The following PIK3C2A variants were observed in gnomAD, a reference collection of about 807,000 sequenced individuals.
PIK3C2A encodes phosphatidylinositol 4-phosphate 3-kinase C2 domain-containing subunit alpha.
In PIK3C2A, 97 loss-of-function variants were observed where a neutral mutation model predicts 204.5. The observed-to-expected ratio is 0.47, with a 90% CI of 0.40 to 0.56. PIK3C2A has a LOEUF of 0.56. PIK3C2A is among the 20% of genes least tolerant of loss of function. PIK3C2A has a pLI of 0.00. For missense variants in PIK3C2A, 1,735 were observed against 1,969.2 expected, an observed-to-expected ratio of 0.88 and a Z score of 2.25; for synonymous variants, 653 against 664.4, an observed-to-expected ratio of 0.98 and a Z score of 0.26.
intron 8 of PIK3C2A, among the ~76,000 whole-genome samples, chr11:17,144,122 C>A (rs1850155147): frequency 6.6e-6 from 1 of 152,138 alleles, no homozygotes; most frequent in African/African-American, 2.4e-5. Flanking sequence ...TGCCAATCTT[C>A]ATTTTATACT....
rs567568074 is a variant in PIK3C2A at position 17,206,588 on chromosome 11, T to TA, written c.-66+1259dup. On this transcript the variant is annotated intron_variant, in intron 1 of 32. Transcript: ENST00000691414. ...CGACACAGTGAGACCCCATGTCAAT[T>TA]AAAAAAAAAAAAAAGAGCACCAACC... is the stretch of plus-strand genomic sequence containing the variant. Among the ~76,000 whole-genome samples the TA allele has an allele frequency of 8.7e-4, 119 of 136,720 alleles. 1 individual carries two copies. The highest frequency in any genetic ancestry group is 3.1e-3 in the South Asian group (13 of 4,260). 89.7% of individuals were successfully genotyped at this position (136,720 alleles called of 152,430 possible). A position where few individuals can be genotyped will look rare whatever the true frequency, so the allele number is the denominator to read the frequency against.
chr11:17,201,464 T>C (rs921354089), intron 1 of PIK3C2A, among the ~76,000 whole-genome samples: 6 of 144,712 alleles, frequency 4.1e-5, no homozygotes, highest in Admixed American at 1.4e-4. Flanking sequence ...GAGGCAGAGG[T>C]TGCAGTGAGC....
At chr11:17,113,352 CACA>C (rs1252813338) in intron 20 of PIK3C2A, among the ~76,000 whole-genome samples, 2 of 152,208 alleles carry the variant, frequency 1.3e-5, no homozygotes, top group East Asian at 3.9e-4. Context: ...ATCAACAGAA[CACA>C]ACGTCTTGTG....
intron 19 of PIK3C2A, among the ~76,000 whole-genome samples, chr11:17,116,874 C>T (rs1433347920): frequency 2.0e-5 from 3 of 152,170 alleles, no homozygotes; most frequent in African/African-American, 4.8e-5. Context: ...CAGGCATGAG[C>T]CACCACGCCT....
chr11:17,201,970 C>T (rs938455987), intron 1 of PIK3C2A, among the ~76,000 whole-genome samples: 1 of 152,092 alleles, frequency 6.6e-6, no homozygotes, highest in African/African-American at 2.4e-5. Context: ...GAAAAGAATA[C>T]TGGGGCCCGG....
chr11:17,111,884 AAAAAAAAAAAAAAAAAATTC>A (rs1167708800), intron 21 of PIK3C2A, among the ~76,000 whole-genome samples: 4 of 146,840 alleles, frequency 2.7e-5, no homozygotes, highest in African/African-American at 1.0e-4. Context: ...CTCCAAAACA[AAAAAAAAAAAAAAAAAATTC>A]AAAAAAAAAA....
At chr11:17,102,263 C>T (rs983570927) in intron 24 of PIK3C2A, among the ~76,000 whole-genome samples, 7 of 151,968 alleles carry the variant, frequency 4.6e-5, no homozygotes, top group Non-Finnish European at 7.4e-5. Flanking sequence ...GGTGAAACCC[C>T]GTCTCTACTA....
At chr11:17,199,657 T>G (rs1852295557) in intron 1 of PIK3C2A, among the ~76,000 whole-genome samples, 1 of 152,096 alleles carries the variant, frequency 6.6e-6, no homozygotes, top group African/African-American at 2.4e-5. Context: ...AGACAAAAAG[T>G]AGAGGCTGGG....
intron 2 of PIK3C2A, among the ~76,000 whole-genome samples, chr11:17,162,368 A>C (rs1850805690): frequency 6.6e-6 from 1 of 151,872 alleles, no homozygotes; most frequent in Non-Finnish European, 1.5e-5. Flanking sequence ...CAAAAACAAA[A>C]TCCTATCTAT....
chr11:17,128,661 G>C (rs1297443562), intron 13 of PIK3C2A, among the ~76,000 whole-genome samples: 3 of 152,126 alleles, frequency 2.0e-5, no homozygotes, highest in Admixed American at 6.6e-5. Flanking sequence ...ATCATCTCAT[G>C]AAACATTATT....
intron 32 of PIK3C2A, among the ~76,000 whole-genome samples, chr11:17,090,742 ATTT>A (rs147999470): frequency 1.4e-5 from 2 of 145,322 alleles, no homozygotes; most frequent in African/African-American, 5.0e-5. Flanking sequence ...AAAACTTAAA[ATTT>A]TTTTTTTTTT....
At chr11:17,098,310 A>T (rs1848512539) in intron 26 of PIK3C2A, among the ~76,000 whole-genome samples, 1 of 152,218 alleles carries the variant, frequency 6.6e-6, no homozygotes, top group Non-Finnish European at 1.5e-5. Flanking sequence ...GAGGCCATAA[A>T]CAGTAGAGCC....
chr11:17,101,246 A>G, intron 25 of PIK3C2A, 32 bp downstream of exon 25: 1 of 1,261,406 alleles, frequency 7.9e-7, no homozygotes, highest in Non-Finnish European at 1.1e-6. Context: ...CATTAATATA[A>G]AACTAATTAA....
chr11:17,170,852 T>C (rs1241913973), intron 1 of PIK3C2A, among the ~76,000 whole-genome samples: 1 of 151,986 alleles, frequency 6.6e-6, no homozygotes, highest in Admixed American at 6.6e-5. Flanking sequence ...ACCTGTAATC[T>C]CAGCACTTTG....
At chr11:17,115,562 A>C (rs573396379) in intron 19 of PIK3C2A, 10 of 151,880 alleles carry the variant, frequency 6.6e-5, no homozygotes, top group Admixed American at 1.3e-4. Flanking sequence ...AAAAAAAAAA[A>C]AAAAACAAAT....
chr11:17,184,585 T>C lies in PIK3C2A; in HGVS notation c.-65-14779A>G, dbSNP rs1222135608. 1.3e-5 allele frequency among the ~76,000 whole-genome samples: 2 copies of C among 152,050 alleles called. 1 individual carries two copies. The highest frequency in any genetic ancestry group is 4.1e-4 in the South Asian group (2 of 4,822). ...CAAAAGCGTCAGAAGTTAAAAAAAA[T>C]TAAAAAGTTTATAAAGTAAAAAGGT... On this transcript the variant is annotated intron_variant, in intron 1 of 32. Coordinates refer to ENST00000691414, the MANE Select transcript of PIK3C2A (RefSeq NM_002645.4).
At chr11:17,192,578 C>G (rs570954163) in intron 1 of PIK3C2A, among the ~76,000 whole-genome samples, 1 of 152,264 alleles carries the variant, frequency 6.6e-6, no homozygotes, top group African/African-American at 2.4e-5. Context: ...TCCTGAGTAA[C>G]TGGGATTACA....
In PIK3C2A at chr11:17,150,537, T is replaced by A. The variant is rs746978745; in HGVS notation, c.1288A>T (p.Ile430Phe). The change falls in exon 4 of 33, where the codon ATT becomes TTT. Residue 430 changes from isoleucine to phenylalanine, a missense_variant. By Grantham distance (21) the Ile-to-Phe change is conservative. Coordinates refer to ENST00000691414, the MANE Select transcript of PIK3C2A (RefSeq NM_002645.4). ...ENASVKVSIDIEGFQLPVTFT... is the reference protein window; with the variant it reads ...ENASVKVSIDFEGFQLPVTFT... Reference sequence around the variant, plus strand: ...GTAACTGGTAGCTGAAATCCTTCAATGTCAATGGAGACCTTCACACTAGCA... The same window carrying A: ...GTAACTGGTAGCTGAAATCCTTCAAAGTCAATGGAGACCTTCACACTAGCA... 3.1e-6 allele frequency: 5 copies of A among 1,609,754 alleles called. No individual in the cohort carries two copies. Among genetic ancestry groups the A allele is most frequent in the East Asian group, 2.2e-5 (1 of 44,550 alleles).
In PIK3C2A at chr11:17,155,604, A is replaced by G; in HGVS notation, c.1091T>C (p.Leu364Ser). The G allele has an allele frequency of 1.2e-6, 2 of 1,606,300 alleles. No individual in the cohort carries two copies. Among genetic ancestry groups the G allele is most frequent in the South Asian group, 1.1e-5 (1 of 90,548 alleles). Reference protein sequence around the residue: ...SQKDPNGTSSLPTGSSLLQEV... With the variant: ...SQKDPNGTSSSPTGSSLLQEV... ...TTGAAGAAGAGAACTTCCAGTTGGC[A>G]AACTACTGGTCCCATTTGGGTCTTT... The change falls in exon 3 of 33, where the codon TTG becomes TCG. Residue 364 changes from leucine (L) to serine (S), a missense_variant. Transcript: ENST00000691414.
Sources: allele counts gnomAD v4.1 joint callset (sites outside exome capture counted in the v4.1 genomes callset), GRCh38; gene constraint gnomAD v4.1.1; transcripts MANE v1.5; gene names NCBI Gene and HGNC (gene_info 2026-07-23, HGNC 2026-07-21).